Variants in AFG2A observed in about 807,000 individuals in gnomAD.
The protein encoded by AFG2A is AAA ATPase AFG2A, also known as ATPase family gene 2 protein homolog A.
the AFG2A span, among the ~76,000 whole-genome samples, chr4:123,125,394 A>G: frequency 6.6e-6 from 1 of 152,170 alleles, no homozygotes; most frequent in African/African-American, 2.4e-5. Context: ...ACTTGGCTCT[A>G]TTATTATCTG....
chr4:123,147,134 A>C, the AFG2A span, among the ~76,000 whole-genome samples: 1 of 152,154 alleles, frequency 6.6e-6, no homozygotes, highest in Non-Finnish European at 1.5e-5. Context: ...TGTATGATCA[A>C]AGTTAACTAA....
the AFG2A span, among the ~76,000 whole-genome samples, chr4:123,023,624 T>A: frequency 6.6e-6 from 1 of 152,132 alleles, no homozygotes; most frequent in Non-Finnish European, 1.5e-5. Context: ...ACACAGGCCT[T>A]GATAGTCATA....
the AFG2A span, among the ~76,000 whole-genome samples, chr4:123,293,982 G>A: frequency 2.6e-5 from 4 of 152,154 alleles, no homozygotes; most frequent in African/African-American, 7.2e-5. Context: ...CACTCCATTT[G>A]GGCTATGATT....
chr4:123,271,167 G>A, the AFG2A span, among the ~76,000 whole-genome samples: 1 of 152,136 alleles, frequency 6.6e-6, no homozygotes, highest in Non-Finnish European at 1.5e-5. Context: ...CAAGTTCAAG[G>A]CCAAAGAATT....
At chr4:122,944,750 T>C in the AFG2A span, among the ~76,000 whole-genome samples, 4 of 152,244 alleles carry the variant, frequency 2.6e-5, no homozygotes, top group East Asian at 7.7e-4. Flanking sequence ...CTCTGTTTTT[T>C]CCCCATCTTT....
chr4:123,003,779 A>G, the AFG2A span, among the ~76,000 whole-genome samples: 2 of 152,028 alleles, frequency 1.3e-5, no homozygotes, highest in Non-Finnish European at 2.9e-5. Flanking sequence ...TTGAGGAGGC[A>G]GTCTGCCTGT....
chr4:123,206,207 T>C, the AFG2A span, among the ~76,000 whole-genome samples: 2 of 152,096 alleles, frequency 1.3e-5, no homozygotes, highest in African/African-American at 4.8e-5. Context: ...CTTCCCTCCA[T>C]ACATTCTTTT....
the AFG2A span, among the ~76,000 whole-genome samples, chr4:123,184,576 G>A: frequency 9.2e-6 from 1 of 108,176 alleles, no homozygotes; most frequent in Admixed American, 1.5e-4. Context: ...TCGCTCTGTC[G>A]CCCAGGCTGG....
chr4:123,051,065 T>C, the AFG2A span, among the ~76,000 whole-genome samples: 1 of 152,064 alleles, frequency 6.6e-6, no homozygotes, highest in African/African-American at 2.4e-5. Flanking sequence ...CTTTTTTAAC[T>C]AGAGAATTTA....
At chr4:123,211,018 A>AT in the AFG2A span, among the ~76,000 whole-genome samples, 1 of 152,138 alleles carries the variant, frequency 6.6e-6, no homozygotes, top group East Asian at 1.9e-4. Flanking sequence ...AGTCAGATAA[A>AT]TAGAGGTAGA....
At chr4:123,160,333 C>T in the AFG2A span, among the ~76,000 whole-genome samples, 3 of 152,256 alleles carry the variant, frequency 2.0e-5, no homozygotes, top group South Asian at 4.1e-4. Flanking sequence ...AATAAAGACA[C>T]ACCTCTTCCT....
the AFG2A span, among the ~76,000 whole-genome samples, chr4:123,112,817 T>C: frequency 0.012 from 1,855 of 152,268 alleles, 38 homozygotes; most frequent in African/African-American, 0.042. Flanking sequence ...TTGATTTTTT[T>C]CCAAAATGAG....
the AFG2A span, among the ~76,000 whole-genome samples, chr4:123,113,294 C>T: frequency 6.6e-6 from 1 of 152,118 alleles, no homozygotes; most frequent in East Asian, 1.9e-4. Context: ...TTTATTTTCC[C>T]AGACAAATCC....
chr4:123,294,552 A>G, the AFG2A span, among the ~76,000 whole-genome samples: 2 of 152,150 alleles, frequency 1.3e-5, no homozygotes, highest in Admixed American at 6.5e-5. Flanking sequence ...ATTAAATGGT[A>G]TGGGGCAAAG....
chr4:123,018,537 T>G, the AFG2A span, among the ~76,000 whole-genome samples: 2 of 152,228 alleles, frequency 1.3e-5, no homozygotes, highest in African/African-American at 4.8e-5. Context: ...ATTCCTCTTC[T>G]AGTTCTAGGA....
At chr4:122,999,504 TC>T in the AFG2A span, among the ~76,000 whole-genome samples, 3 of 152,176 alleles carry the variant, frequency 2.0e-5, no homozygotes, top group African/African-American at 7.2e-5. Context: ...AAGGAAGGGA[TC>T]CAGTTTCAGC....
the AFG2A span, among the ~76,000 whole-genome samples, chr4:123,122,594 A>G: frequency 2.6e-5 from 4 of 152,208 alleles, no homozygotes; most frequent in African/African-American, 7.2e-5. Context: ...ATTGTAAGTC[A>G]GGGACTGTTC....
chr4:123,072,671 T>A, the AFG2A span, among the ~76,000 whole-genome samples: 1 of 152,194 alleles, frequency 6.6e-6, no homozygotes, highest in Admixed American at 6.5e-5. Flanking sequence ...TCCCATAATT[T>A]TAAACACTAG....
At chr4:123,046,096 CAA>C in the AFG2A span, among the ~76,000 whole-genome samples, 2 of 127,722 alleles carry the variant, frequency 1.6e-5, no homozygotes, top group Non-Finnish European at 1.7e-5. Context: ...GACTCCATCT[CAA>C]AAAAAAAAAA....
Sources: gnomAD v4.1 joint callset for allele counts (sites outside exome capture counted in the v4.1 genomes callset) on GRCh38, gnomAD v4.1.1 for gene constraint, MANE v1.5 for transcripts, NCBI Gene and HGNC (gene_info 2026-07-23, HGNC 2026-07-21) for gene names.